ADAMTS6: variants seen among roughly 807,000 people sequenced by gnomAD.
ADAMTS6 encodes the protein A disintegrin and metalloproteinase with thrombospondin motifs 6.
Under a neutral mutation model 144.3 loss-of-function variants are expected in ADAMTS6, and 23 were observed. The observed-to-expected ratio is 0.16, with a 90% confidence interval of 0.11 to 0.23. The LOEUF (loss-of-function observed/expected upper bound fraction) is 0.23. Ranked by LOEUF, ADAMTS6 falls within the 10% of genes least tolerant of loss-of-function variation. The pLI is 1.00. For missense variants in ADAMTS6, 999 were observed against 1,379.6 expected, an observed-to-expected ratio of 0.72 and a Z score of 4.37; for synonymous variants, 444 against 457.5, an observed-to-expected ratio of 0.97 and a Z score of 0.38.
At chr5:65,376,049 G>T (rs1277900069) in intron 7 of ADAMTS6, among the ~76,000 whole-genome samples, 1 of 151,896 alleles carries the variant, frequency 6.6e-6, no homozygotes, top group Non-Finnish European at 1.5e-5. Flanking sequence ...CTCATAGGTG[G>T]GAATTGAACA....
chr5:65,471,213 A>C (rs1479889936), intron 2 of ADAMTS6, 71 bp from the exon 3 acceptor site: 13 of 1,457,900 alleles, frequency 8.9e-6, no homozygotes, highest in Admixed American at 2.8e-5. Context: ...CGGAACAAAG[A>C]AGCAGCAATA....
chr5:65,212,574 A>C (rs1214670329), intron 20 of ADAMTS6, among the ~76,000 whole-genome samples: 2 of 152,042 alleles, frequency 1.3e-5, no homozygotes, highest in African/African-American at 4.8e-5. Flanking sequence ...TTCAGTTCTC[A>C]TGGCCTTTTT....
At chr5:65,318,681 A>T (rs1205561695) in intron 9 of ADAMTS6, among the ~76,000 whole-genome samples, 1 of 152,106 alleles carries the variant, frequency 6.6e-6, no homozygotes, top group Non-Finnish European at 1.5e-5. Context: ...AAAAATCAAA[A>T]CAATTGAACT....
Position 65,148,786 on chromosome 5 carries a change from A to C in ADAMTS6, c.*3050T>G, listed in dbSNP as rs1171254704. 6.6e-6 allele frequency: 1 copy of C among 152,532 alleles called. No individual in the cohort carries two copies. Among genetic ancestry groups the C allele is most frequent in the African/African-American group, 2.4e-5 (1 of 41,444 alleles). 9.4% of individuals were successfully genotyped at this position (152,532 alleles called of 1,614,324 possible). On this transcript the variant is annotated 3_prime_UTR_variant, in exon 25 of 25. Coordinates refer to ENST00000381055, the MANE Select transcript of ADAMTS6 (RefSeq NM_197941.4). ...ATTTTACTAAATTATCTATGTCAAA[A>C]AAATTCTGTGCCTGGCGTGGAATTT...
chr5:65,350,372 A>AT (rs1748743871), intron 7 of ADAMTS6, among the ~76,000 whole-genome samples: 1 of 151,876 alleles, frequency 6.6e-6, no homozygotes, highest in South Asian at 2.1e-4. Flanking sequence ...TGCTACTTTA[A>AT]TTTTTTTCTT....
intron 20 of ADAMTS6, among the ~76,000 whole-genome samples, chr5:65,213,533 G>A (rs1756679260): frequency 6.6e-6 from 1 of 151,844 alleles, no homozygotes; most frequent in East Asian, 1.9e-4. Flanking sequence ...TACTCAGAAG[G>A]TTGAGGTGGG....
At chr5:65,346,212 A>C (rs563095645) in intron 7 of ADAMTS6, among the ~76,000 whole-genome samples, 2 of 151,882 alleles carry the variant, frequency 1.3e-5, no homozygotes, top group Non-Finnish European at 1.5e-5. Context: ...GGCAAATAAC[A>C]CTCATTGATA....
At chr5:65,372,449 T>C (rs1047346178) in intron 7 of ADAMTS6, among the ~76,000 whole-genome samples, 2 of 151,020 alleles carry the variant, frequency 1.3e-5, no homozygotes, top group Non-Finnish European at 2.9e-5. Context: ...AAGGCAGGGG[T>C]TGCAATCCTA....
At chr5:65,224,182 T>C in intron 18 of ADAMTS6, 138 bp downstream of exon 18, 1 of 682,626 alleles carries the variant, frequency 1.5e-6, no homozygotes, top group Non-Finnish European at 2.6e-6. Flanking sequence ...ATATGTGTTC[T>C]ATAAAACTTA....
rs550137437 is a variant in ADAMTS6, at chr5:65,371,492, A to G, written c.1074-37407T>C. Among the ~76,000 whole-genome samples, 420 of 152,264 alleles carry G rather than the reference A, an allele frequency of 2.8e-3. 1 individual carries two copies. The highest frequency in any genetic ancestry group is 9.7e-3 in the African/African-American group (403 of 41,534). On this transcript the variant is annotated intron_variant, in intron 7 of 24. Coordinates refer to ENST00000381055, the MANE Select transcript of ADAMTS6 (RefSeq NM_197941.4). ...GAAGAATGCAGAAGCCTCAGGAGCC[A>G]ATGCGATCAACTGGAAGAAAGGGTA...
chr5:65,368,825 C>A (rs1466177662), intron 7 of ADAMTS6, among the ~76,000 whole-genome samples: 2 of 152,044 alleles, frequency 1.3e-5, no homozygotes, highest in African/African-American at 2.4e-5. Flanking sequence ...GAGGCCGAGG[C>A]GGGTGTATTA....
intron 11 of ADAMTS6, among the ~76,000 whole-genome samples, chr5:65,282,467 G>A (rs544208192): frequency 6.6e-6 from 1 of 152,156 alleles, no homozygotes; most frequent in South Asian, 2.1e-4. Flanking sequence ...GACTTAAAAA[G>A]GTGCCAGACT....
chr5:65,156,665 G>A (rs917865146), intron 24 of ADAMTS6, among the ~76,000 whole-genome samples: 1 of 152,068 alleles, frequency 6.6e-6, no homozygotes, highest in African/African-American at 2.4e-5. Flanking sequence ...TTGTTTTGAA[G>A]GTTTGAGCTT....
intron 7 of ADAMTS6, among the ~76,000 whole-genome samples, chr5:65,412,544 T>C (rs2150184522): frequency 6.6e-6 from 1 of 152,234 alleles, no homozygotes; most frequent in East Asian, 1.9e-4. Context: ...CTTGACAGTG[T>C]ATTATAAGCT....
At chr5:65,426,200 C>T (rs184059548) in intron 7 of ADAMTS6, among the ~76,000 whole-genome samples, 1 of 150,260 alleles carries the variant, frequency 6.7e-6, no homozygotes, top group African/African-American at 2.4e-5. Context: ...GCACCTGCCA[C>T]CATGCCTGGC....
intron 11 of ADAMTS6, among the ~76,000 whole-genome samples, chr5:65,274,047 A>G (rs904684364): frequency 1.3e-5 from 2 of 152,142 alleles, no homozygotes; most frequent in Non-Finnish European, 2.9e-5. Flanking sequence ...ATGAAAGGAA[A>G]CTTGGTTTTG....
At chr5:65,377,928 A>G (rs1401482297) in intron 7 of ADAMTS6, among the ~76,000 whole-genome samples, 5 of 152,134 alleles carry the variant, frequency 3.3e-5, no homozygotes, top group Non-Finnish European at 4.4e-5. Context: ...TTTGCTGGCA[A>G]TCATTGGTAT....
chr5:65,258,386 G>A (rs1290378713), intron 14 of ADAMTS6, among the ~76,000 whole-genome samples: 1 of 152,190 alleles, frequency 6.6e-6, no homozygotes, highest in African/African-American at 2.4e-5. Flanking sequence ...CAGAGATAAC[G>A]AGAAAGAAAA....
Position 65,358,631 on chromosome 5 carries a change from A to C in ADAMTS6, c.1074-24546T>G, listed in dbSNP as rs192855069. Reference sequence around the variant, plus strand: ...CGCACTACCTCATTCAAAATATACTATAAAGCTGTAATAATCAAAACACCA... The same window carrying C: ...CGCACTACCTCATTCAAAATATACTCTAAAGCTGTAATAATCAAAACACCA... On this transcript the variant is annotated intron_variant, in intron 7 of 24. Transcript: ENST00000381055. Among the ~76,000 whole-genome samples, 1,282 of 152,246 alleles carry C rather than the reference A, an allele frequency of 8.4e-3. 17 individuals carry two copies. The highest frequency in any genetic ancestry group is 0.01 in the Non-Finnish European group (699 of 67,966).
Sources: allele counts gnomAD v4.1 joint callset (sites outside exome capture counted in the v4.1 genomes callset), GRCh38; gene constraint gnomAD v4.1.1; transcripts MANE v1.5; gene names NCBI Gene and HGNC (gene_info 2026-07-23, HGNC 2026-07-21).